The following ZNF329 variants were observed in gnomAD, a reference collection of about 807,000 sequenced individuals.
ZNF329 encodes zinc finger protein 329.
A neutral mutation model predicts 26.6 loss-of-function variants in ZNF329; 15 were observed. That is an observed-to-expected ratio of 0.56 (90% CI 0.38 to 0.87). The LOEUF (loss-of-function observed/expected upper bound fraction) is 0.87. Ranked by LOEUF, ZNF329 falls within the 40% of genes least tolerant of loss-of-function variation. The pLI is 0.00. For missense variants in ZNF329, 651 were observed against 651.9 expected (o/e 1.00, Z 0.02); for synonymous variants, 239 against 233.5 (o/e 1.02, Z -0.21).
chr19:58,128,300 T>C lies in ZNF329; in HGVS notation c.1204A>G (p.Lys402Glu). 6.2e-7 allele frequency: 1 copy of C among 1,613,366 alleles called. No homozygotes were observed. Among genetic ancestry groups the C allele is most frequent in the South Asian group, 1.1e-5 (1 of 91,020 alleles). Reference sequence around the variant, plus strand: ...TCGATGAAAGTCTTGCCACATTCTTTACATTCATAGGGTTTCTCCCCAGAA... The same window carrying C: ...TCGATGAAAGTCTTGCCACATTCTTCACATTCATAGGGTTTCTCCCCAGAA... ...IHSGEKPYEC[K>E]ECGKTFIESA... Residue 402 changes from lysine to glutamate, a missense_variant, in exon 4 of 4, where the codon AAA (lysine) becomes GAA (glutamate). Transcript: ENST00000598312.
intron 1 of ZNF329, among the ~76,000 whole-genome samples, chr19:58,147,296 G>A (rs2075337804): frequency 6.6e-6 from 1 of 150,634 alleles, no homozygotes; most frequent in African/African-American, 2.5e-5. Flanking sequence ...TCTGAGAAGT[G>A]AGGAGCCCCT....
At chr19:58,153,801 T>C (rs1600110581), upstream of ZNF329, among the ~76,000 whole-genome samples, 8 of 152,242 alleles carry the variant, frequency 5.3e-5, no homozygotes, top group South Asian at 1.7e-3. Context: ...CTTGACCTCC[T>C]GGGCTCAAGC....
chr19:58,151,817 GA>G (rs1428597822), upstream of ZNF329, among the ~76,000 whole-genome samples: 1 of 152,182 alleles, frequency 6.6e-6, no homozygotes, highest in East Asian at 1.9e-4. Flanking sequence ...AGTGGCAACT[GA>G]GGGGAAAGAG....
intron 3 of ZNF329, among the ~76,000 whole-genome samples, chr19:58,141,201 G>T (rs928728427): frequency 4.0e-5 from 6 of 151,468 alleles, no homozygotes; most frequent in Admixed American, 1.3e-4. Context: ...TCACTATATG[G>T]GCCAGGCTGG....
rs372231194 is a variant in ZNF329 at position 58,128,096 on chromosome 19, G to C, written c.1408C>G (p.Leu470Val). Reference protein sequence around the residue: ...CGKAFRDSSCLTKHQRIHTKE... With the variant: ...CGKAFRDSSCVTKHQRIHTKE... Reference sequence around the variant, plus strand: ...GTGTGAATTCTCTGGTGCTTGGTCAGACAGGAGCTGTCCCTGAAGGCTTTG... The same window carrying C: ...GTGTGAATTCTCTGGTGCTTGGTCACACAGGAGCTGTCCCTGAAGGCTTTG... The change falls in exon 4 of 4, where the codon CTG becomes GTG. Residue 470 changes from leucine (L) to valine (V), a missense_variant. By Grantham distance (32) the Leu-to-Val change is conservative. Transcript: ENST00000598312. 1.2e-6 allele frequency: 2 copies of C among 1,605,754 alleles called. No individual in the cohort carries two copies. Among genetic ancestry groups the C allele is most frequent in the Non-Finnish European group, 1.7e-6 (2 of 1,175,858 alleles).
chr19:58,134,929 C>T (rs1432614017), intron 3 of ZNF329, among the ~76,000 whole-genome samples: 1 of 152,012 alleles, frequency 6.6e-6, no homozygotes, highest in Non-Finnish European at 1.5e-5. Context: ...GAGCAAAACT[C>T]CATCTCAAAA....
intron 1 of ZNF329, among the ~76,000 whole-genome samples, chr19:58,143,791 T>C (rs978976989): frequency 1.3e-5 from 2 of 152,026 alleles, no homozygotes; most frequent in African/African-American, 4.8e-5. Context: ...TTAGAAATAA[T>C]AGAACTAGGC....
intron 1 of ZNF329, among the ~76,000 whole-genome samples, chr19:58,147,261 G>A (rs1184005448): frequency 1.3e-5 from 2 of 151,046 alleles, no homozygotes; most frequent in African/African-American, 4.9e-5. Flanking sequence ...GAAGTGAGGA[G>A]ACCCTCCGCC....
upstream of ZNF329, among the ~76,000 whole-genome samples, chr19:58,151,519 T>C (rs1159534755): frequency 6.7e-6 from 1 of 149,204 alleles, no homozygotes; most frequent in Non-Finnish European, 1.5e-5. Context: ...GAGAATCACT[T>C]GAACCTGGGA....
intron 1 of ZNF329, among the ~76,000 whole-genome samples, chr19:58,145,850 G>A (rs2075296256): frequency 1.3e-5 from 2 of 151,910 alleles, no homozygotes. Flanking sequence ...CATGCTTCCT[G>A]ACACGACACA....
At position 58,128,956 on chromosome 19, in the gene ZNF329, A is replaced by G; in HGVS notation, c.548T>C (p.Ile183Thr). ...ATTAAGCGATGAGCTCAGAGTAAAG[A>G]TGTTCTCAAAATTCTTACCTTCATA... The part of the protein sequence containing the change: ...KSYEGKNFEN[I>T]FTLSSSLNEN... Residue 183 changes from isoleucine to threonine, a missense_variant, in exon 4 of 4, where the codon ATC (isoleucine) becomes ACC (threonine). Ile to Thr is a moderately conservative substitution (Grantham distance 89, BLOSUM62 -1). Transcript: ENST00000598312. The G allele has an allele frequency of 6.2e-7, 1 of 1,613,644 alleles. No homozygotes were observed. Among genetic ancestry groups the G allele is most frequent in the Non-Finnish European group, 8.5e-7 (1 of 1,179,860 alleles).
chr19:58,146,267 AGTTCAAGACCAGCCT>A (rs1418797070), intron 1 of ZNF329, among the ~76,000 whole-genome samples: 2 of 152,118 alleles, frequency 1.3e-5, no homozygotes, highest in Non-Finnish European at 2.9e-5. Flanking sequence ...TGAAGTCAGG[AGTTCAAGACCAGCCT>A]GGCCAACATG....
At chr19:58,134,880 G>T (rs1238554327) in intron 3 of ZNF329, among the ~76,000 whole-genome samples, 2 of 152,100 alleles carry the variant, frequency 1.3e-5, no homozygotes, top group Non-Finnish European at 2.9e-5. Context: ...AGGTTGCAGT[G>T]AGCCAAGATT....
At chr19:58,147,602 T>G (rs1160512190) in intron 1 of ZNF329, among the ~76,000 whole-genome samples, 2 of 89,368 alleles carry the variant, frequency 2.2e-5, no homozygotes, top group African/African-American at 4.8e-5. Context: ...GGTGGGGGGG[T>G]CAGCCCTCCG....
chr19:58,142,258 T>G (rs2075205851), intron 3 of ZNF329, among the ~76,000 whole-genome samples: 1 of 152,120 alleles, frequency 6.6e-6, no homozygotes, highest in Non-Finnish European at 1.5e-5. Context: ...TGGTATGGGT[T>G]TTCTTTTTCA....
upstream of ZNF329, among the ~76,000 whole-genome samples, chr19:58,152,036 A>C (rs1358613145): frequency 6.6e-6 from 1 of 152,210 alleles, no homozygotes; most frequent in Non-Finnish European, 1.5e-5. Context: ...GAAAATTAGA[A>C]AAAAAATTCT....
intron 1 of ZNF329, among the ~76,000 whole-genome samples, chr19:58,144,236 G>A (rs113768942): frequency 4.6e-5 from 7 of 151,134 alleles, no homozygotes; most frequent in Non-Finnish European, 1.0e-4. Flanking sequence ...GTGCAGTGGC[G>A]TGATCTCAAC....
intron 1 of ZNF329, among the ~76,000 whole-genome samples, chr19:58,148,389 A>AT (rs1282699278): frequency 7.5e-6 from 1 of 132,896 alleles, no homozygotes; most frequent in African/African-American, 3.2e-5. Flanking sequence ...AGAATGATCA[A>AT]TTAAAAAAAA....
intron 3 of ZNF329, among the ~76,000 whole-genome samples, chr19:58,137,529 G>A (rs2075097746): frequency 1.3e-5 from 2 of 151,326 alleles, no homozygotes. Flanking sequence ...ACTCTAGCCT[G>A]GGTGACAGAG....
Sources: gnomAD v4.1 joint callset for allele counts (sites outside exome capture counted in the v4.1 genomes callset) on GRCh38, gnomAD v4.1.1 for gene constraint, MANE v1.5 for transcripts, NCBI Gene and HGNC (gene_info 2026-07-23, HGNC 2026-07-21) for gene names.